The following DAAM1 variants were observed in gnomAD, a reference collection of about 807,000 sequenced individuals.
The protein encoded by DAAM1 is disheveled-associated activator of morphogenesis 1.
Under a neutral mutation model 130.0 loss-of-function variants are expected in DAAM1, and 52 were observed. That is an observed-to-expected ratio of 0.40 (90% CI 0.32 to 0.50). The LOEUF (loss-of-function observed/expected upper bound fraction) is 0.50. DAAM1 is among the 20% of genes least tolerant of loss of function. DAAM1 has a pLI of 0.61. For missense variants in DAAM1, 1,134 were observed against 1,303.8 expected (o/e 0.87, Z 2.01); for synonymous variants, 452 against 444.5 (o/e 1.02, Z -0.21).
chr14:59,218,265 A>G (rs1163317063), intron 1 of DAAM1, among the ~76,000 whole-genome samples: 1 of 152,232 alleles, frequency 6.6e-6, no homozygotes, highest in Non-Finnish European at 1.5e-5. Flanking sequence ...TCATCACAGA[A>G]ACTTTTACTG....
At chr14:59,241,264 C>G (rs1257484610) in intron 1 of DAAM1, among the ~76,000 whole-genome samples, 1 of 152,174 alleles carries the variant, frequency 6.6e-6, no homozygotes, top group African/African-American at 2.4e-5. Flanking sequence ...TAAAATTCTG[C>G]AAGGTCTGGC....
intron 2 of DAAM1, among the ~76,000 whole-genome samples, chr14:59,269,361 A>G (rs1882605694): frequency 6.6e-6 from 1 of 152,192 alleles, no homozygotes; most frequent in Non-Finnish European, 1.5e-5. Flanking sequence ...CTCTCTGTAA[A>G]CAGTCAACGT....
intron 6 of DAAM1, among the ~76,000 whole-genome samples, chr14:59,323,823 G>A (rs1014981825): frequency 6.6e-6 from 1 of 152,016 alleles, no homozygotes; most frequent in Non-Finnish European, 1.5e-5. Context: ...GCAAGGTCAG[G>A]AGATCGAGAC....
chr14:59,263,806 G>C (rs1882299056), intron 2 of DAAM1, 146 bp downstream of exon 2: 2 of 945,486 alleles, frequency 2.1e-6, no homozygotes, highest in African/African-American at 3.3e-5. Context: ...CACCCTCACT[G>C]TCAGCACTAA....
chr14:59,225,718 T>A (rs1888920956), intron 1 of DAAM1, among the ~76,000 whole-genome samples: 1 of 152,202 alleles, frequency 6.6e-6, no homozygotes, highest in Non-Finnish European at 1.5e-5. Flanking sequence ...TGGGCCAGCT[T>A]TAGCCCTGCT....
intron 1 of DAAM1, among the ~76,000 whole-genome samples, chr14:59,254,434 C>T (rs144958175): frequency 1.1e-4 from 16 of 152,296 alleles, no homozygotes; most frequent in Non-Finnish European, 1.9e-4. Context: ...GTAGCCTCCA[C>T]AATTTAAATT....
chr14:59,230,992 G>A (rs1462184603), intron 1 of DAAM1, among the ~76,000 whole-genome samples: 1 of 152,176 alleles, frequency 6.6e-6, no homozygotes, highest in Non-Finnish European at 1.5e-5. Flanking sequence ...TGCTGTCAAT[G>A]TCTTATGCTG....
At chr14:59,319,020 T>C (rs994695809) in intron 4 of DAAM1, among the ~76,000 whole-genome samples, 1 of 152,332 alleles carries the variant, frequency 6.6e-6, no homozygotes, top group Non-Finnish European at 1.5e-5. Flanking sequence ...GATTCTGAGC[T>C]ACAGATTCAA....
chr14:59,354,620 G>A (rs1259436339), intron 19 of DAAM1, among the ~76,000 whole-genome samples: 1 of 152,162 alleles, frequency 6.6e-6, no homozygotes, highest in African/African-American at 2.4e-5. Context: ...TGAGGCTGTT[G>A]TATGGTTTGA....
intron 2 of DAAM1, among the ~76,000 whole-genome samples, chr14:59,285,655 C>T: frequency 6.6e-6 from 1 of 152,086 alleles, no homozygotes; most frequent in Non-Finnish European, 1.5e-5. Flanking sequence ...TTTAAACCAA[C>T]AATGATCAAA....
rs914493716 is a variant in DAAM1, at chr14:59,249,021, T to C, written c.-37-14420T>C. ...CCAGGATGGTCTCGATCTCCTGACC[T>C]CGTGATCCGTCTGCCTCGGCCTCCG... On this transcript the variant is annotated intron_variant, in intron 1 of 24. Transcript: ENST00000360909. Among the ~76,000 whole-genome samples the C allele has an allele frequency of 3.9e-5, 6 of 152,200 alleles. No homozygotes were observed. In the South Asian group the frequency reaches 1.2e-3, roughly 32 times the overall value.
At chr14:59,295,253 T>C (rs956831958) in intron 3 of DAAM1, among the ~76,000 whole-genome samples, 2 of 152,160 alleles carry the variant, frequency 1.3e-5, no homozygotes, top group Non-Finnish European at 2.9e-5. Flanking sequence ...AGGTCTACTT[T>C]GGGGAAGGTG....
At chr14:59,225,952 A>G (rs1594767112) in intron 1 of DAAM1, among the ~76,000 whole-genome samples, 1 of 152,200 alleles carries the variant, frequency 6.6e-6, no homozygotes, top group East Asian at 1.9e-4. Flanking sequence ...CCCTCTTACT[A>G]ATGTGGCAAG....
chr14:59,277,555 CAAG>C (rs1438632165), intron 2 of DAAM1, among the ~76,000 whole-genome samples: 2 of 151,380 alleles, frequency 1.3e-5, no homozygotes, highest in Non-Finnish European at 3.0e-5. Context: ...ATATCATCTC[CAAG>C]AAGAAGAGCC....
intron 2 of DAAM1, among the ~76,000 whole-genome samples, chr14:59,284,628 C>T (rs1480640501): frequency 6.6e-6 from 1 of 151,988 alleles, no homozygotes; most frequent in Non-Finnish European, 1.5e-5. Flanking sequence ...AAGAACCAAA[C>T]TGAACTTCTG....
chr14:59,221,847 A>G (rs1180797040), intron 1 of DAAM1, among the ~76,000 whole-genome samples: 2 of 152,208 alleles, frequency 1.3e-5, no homozygotes, highest in Non-Finnish European at 2.9e-5. Flanking sequence ...TCCCTCTGGA[A>G]CTAAGGCCAG....
rs944891747 is a variant in DAAM1, at chr14:59,358,855, A to G, written c.2526-542A>G. Among the ~76,000 whole-genome samples, 4 of 149,982 alleles carry G rather than the reference A, an allele frequency of 2.7e-5. No individual in the cohort carries two copies. In the South Asian group the frequency reaches 8.4e-4, roughly 32 times the overall value. The stretch of plus-strand genomic sequence containing the variant: ...CCATCTCAAAAAAAAAAAAAAAAGT[A>G]TCAATAATTGTCATCAGTGAGTTGC... On this transcript the variant is annotated intron_variant, in intron 20 of 24. Coordinates refer to ENST00000360909, the MANE Select transcript of DAAM1 (RefSeq NM_001270520.2).
chr14:59,335,071 A>G (rs1054407525), intron 15 of DAAM1, among the ~76,000 whole-genome samples: 2 of 152,174 alleles, frequency 1.3e-5, no homozygotes, highest in African/African-American at 4.8e-5. Context: ...TTTTATAGAT[A>G]ATAAAAACAT....
At chr14:59,322,239 C>T (rs1885039357) in intron 5 of DAAM1, among the ~76,000 whole-genome samples, 2 of 152,054 alleles carry the variant, frequency 1.3e-5, no homozygotes, top group South Asian at 2.1e-4. Context: ...GCGCATGGGC[C>T]AGACATGGTC....
Sources: allele counts gnomAD v4.1 joint callset (sites outside exome capture counted in the v4.1 genomes callset), GRCh38; gene constraint gnomAD v4.1.1; transcripts MANE v1.5; gene names NCBI Gene and HGNC (gene_info 2026-07-23, HGNC 2026-07-21).